Variants in FGF13 observed in about 807,000 individuals in gnomAD.
FGF13 encodes fibroblast growth factor homologous factor 2.
In FGF13, 2 loss-of-function variants were observed where a neutral mutation model predicts 19.5. That is an observed-to-expected ratio of 0.10 (90% confidence interval 0.04 to 0.32). The LOEUF (loss-of-function observed/expected upper bound fraction) is 0.32. Ranked by LOEUF, FGF13 falls within the 10% of genes least tolerant of loss-of-function variation. The pLI, the probability that FGF13 is intolerant of heterozygous loss-of-function variation, is 1.00. For missense variants in FGF13, 113 were observed against 192.7 expected (o/e 0.59, Z 2.45); for synonymous variants, 72 against 76.9 (o/e 0.94, Z 0.33).
At chrX:138,787,586 G>A (rs1159045248) in intron 3 of FGF13, among the ~76,000 whole-genome samples, 1 of 111,710 alleles carries the variant, frequency 9.0e-6, no homozygotes, top group Non-Finnish European at 1.9e-5. Context: ...TACATGTACA[G>A]AATGTGCAGG....
chrX:139,197,299 G>A (rs1317835577), intron 1 of FGF13, among the ~76,000 whole-genome samples: 1 of 112,583 alleles, frequency 8.9e-6, no homozygotes, highest in Non-Finnish European at 1.9e-5. Flanking sequence ...TGTACTAAGA[G>A]CTACTGTACT....
intron 1 of FGF13, among the ~76,000 whole-genome samples, chrX:139,164,760 A>AACATTTGGACTGATGTTTGAAGAACT (rs1289066812): frequency 5.4e-5 from 6 of 111,201 alleles, no homozygotes; most frequent in African/African-American, 2.0e-4. Flanking sequence ...CATTCACAGC[A>AACATTTGGACTGATGTTTGAAGAACT]ACATTTGGAC....
chrX:138,717,088 G>A (rs753448104), intron 1 of FGF13, among the ~76,000 whole-genome samples: 8 of 111,967 alleles, frequency 7.1e-5, no homozygotes, highest in East Asian at 2.8e-4. Context: ...GCCATAAAAC[G>A]CCCTGATGGT....
chrX:138,817,187 C>T (rs1394783242), intron 3 of FGF13, among the ~76,000 whole-genome samples: 1 of 111,122 alleles, frequency 9.0e-6, no homozygotes, highest in Non-Finnish European at 1.9e-5. Flanking sequence ...TCCATATCTG[C>T]CCTAAAACTG....
chrX:138,746,098 G>A (rs1028963222), intron 3 of FGF13, among the ~76,000 whole-genome samples: 1 of 111,860 alleles, frequency 8.9e-6, no homozygotes, highest in Admixed American at 9.5e-5. Flanking sequence ...CAGACTAAGG[G>A]GTGAGATTTG....
chrX:138,629,931 A>AGAG lies in FGF13; in HGVS notation c.*2916_*2918dup, dbSNP rs1491119609. 1.8e-5 allele frequency: 2 copies of AGAG among 111,121 alleles called. No individual in the cohort carries two copies. Among genetic ancestry groups the AGAG allele is most frequent in the African/African-American group, 3.3e-5 (1 of 30,500 alleles). 9.2% of individuals were successfully genotyped at this position (111,121 alleles called of 1,213,427 possible). On this transcript the variant is annotated 3_prime_UTR_variant, in exon 5 of 5. Transcript: ENST00000315930. ...AAGTGTTTCCCACAACTATTTGACT[A>AGAG]GAGTCTTTTTTTCTTTCATCAGTTA...
At chrX:139,046,326 T>C (rs1401456344) in intron 1 of FGF13, among the ~76,000 whole-genome samples, 1 of 111,177 alleles carries the variant, frequency 9.0e-6, no homozygotes, top group African/African-American at 3.3e-5. Flanking sequence ...GCCCCCATAA[T>C]CCAAACACCT....
downstream of FGF13, among the ~76,000 whole-genome samples, chrX:138,857,078 T>C (rs1260502180): frequency 1.8e-5 from 2 of 112,124 alleles, no homozygotes; most frequent in East Asian, 5.6e-4. Context: ...TCAAGTGCAA[T>C]GCAAAAGCTT....
intron 1 of FGF13, among the ~76,000 whole-genome samples, chrX:138,896,918 G>C (rs751741075): frequency 8.9e-6 from 1 of 111,774 alleles, no homozygotes; most frequent in Non-Finnish European, 1.9e-5. Context: ...GGCAGATGAC[G>C]GTGAGCACCT....
chrX:138,924,525 A>G (rs1283903742), intron 1 of FGF13, among the ~76,000 whole-genome samples: 3 of 112,182 alleles, frequency 2.7e-5, no homozygotes, highest in Non-Finnish European at 5.6e-5. Flanking sequence ...TATGCAAATA[A>G]TGAAATAAAT....
chrX:139,069,734 T>A (rs774897491), intron 1 of FGF13, among the ~76,000 whole-genome samples: 1 of 112,062 alleles, frequency 8.9e-6, no homozygotes, highest in South Asian at 3.7e-4. Context: ...CACACTATAC[T>A]ACAAGGCTAC....
chrX:139,149,282 C>T (rs1235638760), intron 1 of FGF13, among the ~76,000 whole-genome samples: 2 of 111,863 alleles, frequency 1.8e-5, no homozygotes, highest in African/African-American at 6.5e-5. Context: ...TAGACCTGTG[C>T]ACATAATATG....
At chrX:138,768,726 T>TATATATATATATATATA (rs1226957604) in intron 3 of FGF13, among the ~76,000 whole-genome samples, 14 of 97,862 alleles carry the variant, frequency 1.4e-4, no homozygotes, top group African/African-American at 4.6e-4. Context: ...TAAGTATATA[T>TATATATATATATATATA]TATATATATA....
chrX:139,203,299 C>G (rs2084431506), intron 1 of FGF13: 1 of 110,847 alleles, frequency 9.0e-6, no homozygotes, highest in Non-Finnish European at 1.9e-5. Flanking sequence ...CCCGCGGAGG[C>G]CCACTCACGC....
intron 1 of FGF13, among the ~76,000 whole-genome samples, chrX:139,120,951 C>T (rs2083672914): frequency 8.9e-6 from 1 of 112,581 alleles, no homozygotes; most frequent in Admixed American, 9.4e-5. Context: ...AAACCATAAA[C>T]GTACAATTAT....
chrX:139,143,715 T>C (rs1043645676), intron 1 of FGF13, among the ~76,000 whole-genome samples: 18 of 111,439 alleles, frequency 1.6e-4, no homozygotes, highest in African/African-American at 5.9e-4. Flanking sequence ...GCTGCTGTTT[T>C]AGGTGATGAA....
rs1366556676 is a variant in FGF13 at position 138,654,768 on chromosome X, C to CATAT, written c.403-19114_403-19113insATAT. On this transcript the variant is annotated intron_variant, in intron 3 of 4. Transcript: ENST00000315930. Reference sequence around the variant, plus strand: ...AAATACATACATACATACATACATACATACATACATAAATAGCGGGGTGAT... The same window carrying CATAT: ...AAATACATACATACATACATACATACATATATACATACATAAATAGCGGGGTGAT... Among the ~76,000 whole-genome samples, 181 of 110,692 alleles carry CATAT rather than the reference C, an allele frequency of 1.6e-3. 1 individual carries two copies. The highest frequency in any genetic ancestry group is 2.2e-3 in the Non-Finnish European group (117 of 52,910).
At chrX:138,703,332 G>A (rs1222350556) in intron 2 of FGF13, among the ~76,000 whole-genome samples, 5 of 111,852 alleles carry the variant, frequency 4.5e-5, no homozygotes, top group African/African-American at 1.3e-4. Flanking sequence ...GTTGCAGCCA[G>A]GTAACTGGAG....
intron 3 of FGF13, among the ~76,000 whole-genome samples, chrX:138,754,244 C>T (rs1156547862): frequency 2.7e-5 from 3 of 111,656 alleles, no homozygotes; most frequent in African/African-American, 9.8e-5. Flanking sequence ...TCAGTGTATG[C>T]ATATAAAGTG....
Sources: gnomAD v4.1 joint callset for allele counts (sites outside exome capture counted in the v4.1 genomes callset) on GRCh38, gnomAD v4.1.1 for gene constraint, MANE v1.5 for transcripts, NCBI Gene and HGNC (gene_info 2026-07-23, HGNC 2026-07-21) for gene names.